The following EFL1 variants were observed in gnomAD, a reference collection of about 807,000 sequenced individuals.
EFL1 encodes the protein elongation factor-like GTPase 1.
EFL1 carries 76 observed loss-of-function variants against 126.7 expected under a neutral mutation model. The ratio of observed to expected loss-of-function variants is 0.60; its 90% CI spans 0.50 to 0.73. The LOEUF is 0.73. Among genes scored for constraint, EFL1 ranks in the 30% least tolerant of loss-of-function variants. The pLI is 0.00. For missense variants in EFL1, 1,128 were observed against 1,343.2 expected (o/e 0.84, Z 2.50); for synonymous variants, 410 against 448.4 (o/e 0.91, Z 1.08).
intron 15 of EFL1, among the ~76,000 whole-genome samples, chr15:82,207,721 A>ATTTT (rs200551064): frequency 7.0e-6 from 1 of 141,898 alleles, no homozygotes; most frequent in Non-Finnish European, 1.5e-5. Flanking sequence ...TGATTGATTG[A>ATTTT]TTTTTTTTTT....
chr15:82,195,195 C>T (rs1392160242), intron 15 of EFL1, among the ~76,000 whole-genome samples: 3 of 152,168 alleles, frequency 2.0e-5, no homozygotes, highest in African/African-American at 4.8e-5. Flanking sequence ...ATCCAAAAAA[C>T]TCTGGATGTA....
intron 4 of EFL1, among the ~76,000 whole-genome samples, chr15:82,251,024 C>T (rs983650104): frequency 1.3e-5 from 2 of 151,888 alleles, no homozygotes; most frequent in Admixed American, 6.6e-5. Context: ...CCAGCCTGGC[C>T]AACATGGTGA....
intron 17 of EFL1, chr15:82,157,493 A>G (rs938098730): frequency 1.6e-5 from 7 of 439,140 alleles, no homozygotes; most frequent in African/African-American, 1.4e-4. Flanking sequence ...TTTATGACTT[A>G]AGCTAAAAAT....
At chr15:82,171,858 A>G (rs975028717) in intron 15 of EFL1, among the ~76,000 whole-genome samples, 1 of 152,002 alleles carries the variant, frequency 6.6e-6, no homozygotes, top group African/African-American at 2.4e-5. Context: ...CTGTACTGAA[A>G]ATAAAAGTTA....
intron 7 of EFL1, among the ~76,000 whole-genome samples, chr15:82,236,038 T>C (rs1262717856): frequency 6.6e-6 from 1 of 151,476 alleles, no homozygotes; most frequent in Non-Finnish European, 1.5e-5. Flanking sequence ...TAGATGAATG[T>C]GCTAACACCA....
At chr15:82,188,299 A>G (rs928804565) in intron 15 of EFL1, among the ~76,000 whole-genome samples, 2 of 152,080 alleles carry the variant, frequency 1.3e-5, no homozygotes, top group African/African-American at 4.8e-5. Flanking sequence ...GTTCCTTCAC[A>G]TTTACTGTGG....
At chr15:82,213,913 T>G (rs2074615416) in intron 15 of EFL1, among the ~76,000 whole-genome samples, 1 of 152,226 alleles carries the variant, frequency 6.6e-6, no homozygotes, top group South Asian at 2.1e-4. Context: ...GCAAAATGCT[T>G]TGGCAAATTT....
chr15:82,151,595 G>A lies in EFL1; in HGVS notation c.2859C>T (p.Cys953=). Residue 953 remains cysteine (C), a synonymous_variant, in exon 18 of 20, where the codon TGC becomes TGT. Transcript: ENST00000268206. ...SQKGESPLTD[C]YGPFSGQLIA... ...TTAGCTGTCCTGAGAAAGGTCCATA[G>A]CAGTCAGTGAGTGGAGATTCTCCTT... 1.2e-6 allele frequency: 2 copies of A among 1,614,134 alleles called. No homozygotes were observed. Among genetic ancestry groups the A allele is most frequent in the Non-Finnish European group, 1.7e-6 (2 of 1,180,016 alleles).
chr15:82,235,191 G>A (rs1166572054), intron 7 of EFL1, among the ~76,000 whole-genome samples: 2 of 152,134 alleles, frequency 1.3e-5, no homozygotes, highest in Admixed American at 1.3e-4. Context: ...GTTACTTAAT[G>A]TTCTTGAGAC....
intron 17 of EFL1, chr15:82,157,324 T>C (rs936354988): frequency 1.3e-5 from 2 of 153,926 alleles, no homozygotes; most frequent in African/African-American, 4.8e-5. Context: ...AACATAAAGA[T>C]TTCCAGAAGG....
chr15:82,261,559 C>G (rs2075118141), intron 2 of EFL1, 129 bp downstream of exon 2: 1 of 894,056 alleles, frequency 1.1e-6, no homozygotes, highest in Non-Finnish European at 1.7e-6. Flanking sequence ...TCACACAAAA[C>G]TTTTAAAGAA....
chr15:82,175,994 A>T (rs1426543147), intron 15 of EFL1, among the ~76,000 whole-genome samples: 2 of 152,238 alleles, frequency 1.3e-5, no homozygotes, highest in African/African-American at 2.4e-5. Context: ...AGGAAAAGTT[A>T]TTAGACACAA....
intron 6 of EFL1, among the ~76,000 whole-genome samples, chr15:82,239,229 C>T (rs1054348732): frequency 3.9e-5 from 6 of 152,086 alleles, no homozygotes; most frequent in Non-Finnish European, 7.4e-5. Flanking sequence ...CTCTGCCTCC[C>T]GGGTTCACAC....
At chr15:82,174,371 C>T (rs946442587) in intron 15 of EFL1, 2 of 151,872 alleles carry the variant, frequency 1.3e-5, no homozygotes, top group Non-Finnish European at 2.9e-5. Context: ...GGTATCTCCC[C>T]TACCAAGTAA....
intron 17 of EFL1, 142 bp from the exon 18 acceptor site, chr15:82,152,565 A>T (rs547933475): frequency 1.4e-6 from 1 of 737,330 alleles, no homozygotes; most frequent in East Asian, 2.9e-5. Context: ...TCTGCAATTT[A>T]CATTATATAA....
At chr15:82,254,308 C>T (rs908846747) in intron 3 of EFL1, among the ~76,000 whole-genome samples, 1 of 152,156 alleles carries the variant, frequency 6.6e-6, no homozygotes, top group Non-Finnish European at 1.5e-5. Flanking sequence ...TTCCCTTCAC[C>T]TCTCCAACCT....
intron 15 of EFL1, among the ~76,000 whole-genome samples, chr15:82,180,359 C>CAAAAAAAAAAAACAAAAAAAAAA (rs2074237032): frequency 8.3e-6 from 1 of 120,610 alleles, no homozygotes; most frequent in African/African-American, 3.4e-5. Context: ...ATTAAACTGG[C>CAAAAAAAAAAAACAAAAAAAAAA]AAAAAAAAAA....
chr15:82,234,291 T>C (rs2074851089), intron 7 of EFL1, among the ~76,000 whole-genome samples: 1 of 152,168 alleles, frequency 6.6e-6, no homozygotes, highest in Non-Finnish European at 1.5e-5. Flanking sequence ...TATGACTGAA[T>C]GAATCACTGT....
At chr15:82,229,247 T>C in intron 8 of EFL1, 137 bp from the exon 9 acceptor site, 1 of 700,226 alleles carries the variant, frequency 1.4e-6, no homozygotes, top group Non-Finnish European at 2.3e-6. Context: ...TAGATGAAAG[T>C]AGTTATAAGA....
Sources: gnomAD v4.1 joint callset for allele counts (sites outside exome capture counted in the v4.1 genomes callset) on GRCh38, gnomAD v4.1.1 for gene constraint, MANE v1.5 for transcripts, NCBI Gene and HGNC (gene_info 2026-07-23, HGNC 2026-07-21) for gene names.